ITGA10: variants seen among roughly 807,000 people sequenced by gnomAD.
ITGA10 encodes integrin alpha-10.
ITGA10 carries 105 observed loss-of-function variants against 145.2 expected under a neutral mutation model. The observed-to-expected ratio is 0.72, with a 90% confidence interval of 0.62 to 0.85. The LOEUF (loss-of-function observed/expected upper bound fraction) is 0.85, where lower values mean the gene tolerates loss of function less well. ITGA10 is among the 40% of genes least tolerant of loss of function. The pLI is 0.00. For synonymous variants in ITGA10, 506 were observed against 557.8 expected, an observed-to-expected ratio of 0.91 and a Z score of 1.31; for missense variants, 1,317 against 1,444.5, an observed-to-expected ratio of 0.91 and a Z score of 1.43.
chr1:145,904,228 T>C (rs1553750304), intron 6 of ITGA10, 28 bp from the exon 7 acceptor site: 1 of 1,610,678 alleles, frequency 6.2e-7, no homozygotes, highest in Admixed American at 1.7e-5. Flanking sequence ...TCAAATGAAA[T>C]GTATGTATGT....
chr1:145,908,237 CTCTA>C (rs1374746086), intron 1 of ITGA10, among the ~76,000 whole-genome samples: 2 of 152,144 alleles, frequency 1.3e-5, no homozygotes, highest in Non-Finnish European at 2.9e-5. Flanking sequence ...CTCTCTCCTT[CTCTA>C]TCTCTTCCTG....
chr1:145,899,613 A>G (rs1655948690), intron 15 of ITGA10, among the ~76,000 whole-genome samples: 1 of 151,268 alleles, frequency 6.6e-6, no homozygotes. Flanking sequence ...GGTTCAAGTG[A>G]TTCTCCTGCC....
intron 1 of ITGA10, among the ~76,000 whole-genome samples, chr1:145,909,137 T>TAA (rs112626164): frequency 7.0e-6 from 1 of 142,406 alleles, no homozygotes; most frequent in Admixed American, 7.1e-5. Context: ...ACTCTGTCTC[T>TAA]AAAAAAAAAA....
At chr1:145,897,396 C>T (rs1233077603) in intron 20 of ITGA10, 57 bp from the exon 21 acceptor site, 1 of 1,592,716 alleles carries the variant, frequency 6.3e-7, no homozygotes, top group Non-Finnish European at 8.6e-7. Context: ...TGCTGTCCTA[C>T]CCACAGCCTC....
At chr1:145,893,304 T>A in intron 28 of ITGA10, 30 bp from the exon 29 acceptor site, 1 of 1,497,514 alleles carries the variant, frequency 6.7e-7, no homozygotes, top group Non-Finnish European at 9.3e-7. Context: ...GTTTTCTACA[T>A]GCATCCTATA....
In ITGA10 at chr1:145,901,276, A is replaced by G. The variant is rs1419802802; in HGVS notation, c.1446T>C (p.Ile482=). The change falls in exon 13 of 30, where the codon ATT becomes ATC. Residue 482 remains isoleucine (I), a splice_region_variant and synonymous_variant. Coordinates refer to ENST00000369304, the MANE Select transcript of ITGA10 (RefSeq NM_003637.5). This position sits in a 1 kb window ranked among gnomAD's most constrained non-coding sequence, Gnocchi z 4.3. ...AGAGCTCACTGCCAAAGTATGAACCAATCTGGGGAATGGTGGGTGATGATG... is the reference window on the plus strand; with the variant it reads ...AGAGCTCACTGCCAAAGTATGAACCGATCTGGGGAATGGTGGGTGATGATG... ...RVAQSLQGEQ[I]GSYFGSELCP... is the part of the protein sequence containing the mutation. The G allele has an allele frequency of 6.2e-7, 1 of 1,613,966 alleles. No homozygotes were observed. Among genetic ancestry groups the G allele is most frequent in the Non-Finnish European group, 8.5e-7 (1 of 1,179,986 alleles).
At position 145,897,868 on chromosome 1, in the gene ITGA10, A is replaced by G. The variant is rs1553745866; in HGVS notation, c.2379T>C (p.Asn793=). The change falls in exon 19 of 30, where the codon AAT becomes AAC. Residue 793 remains asparagine (N), a synonymous_variant. Coordinates refer to ENST00000369304, the MANE Select transcript of ITGA10 (RefSeq NM_003637.5). ...VPFSKDCGPD[N]ECVTDLVLQV... is the part of the protein sequence containing the mutation. ...GAAGCACCAGGTCTGTGACACATTCATTGTCAGGGCCACAATCCTTTGAGA... is the reference window on the plus strand; with the variant it reads ...GAAGCACCAGGTCTGTGACACATTCGTTGTCAGGGCCACAATCCTTTGAGA... 3.7e-6 allele frequency: 6 copies of G among 1,614,104 alleles called. No homozygotes were observed. In the South Asian group the frequency reaches 6.6e-5, roughly 18 times the overall value.
chr1:145,902,168 G>A, intron 10 of ITGA10, 78 bp downstream of exon 10: 2 of 1,567,654 alleles, frequency 1.3e-6, no homozygotes, highest in South Asian at 2.2e-5. Context: ...GGTTAAAGGA[G>A]GAATCTGGAG....
intron 29 of ITGA10, 136 bp downstream of exon 29, chr1:145,893,025 A>G: frequency 1.1e-6 from 1 of 886,614 alleles, no homozygotes. Context: ...TTTGTGGGGT[A>G]CAGTGAAGGA....
rs148611231 is a variant in ITGA10 at position 145,896,096 on chromosome 1, C to T, written c.2920G>A (p.Val974Ile). 6.0e-4 allele frequency: 963 copies of T among 1,613,672 alleles called. 1 individual carries two copies. Among genetic ancestry groups the T allele is most frequent in the Admixed American group, 1.4e-3 (84 of 60,016 alleles). The change falls in exon 25 of 30, where the codon GTT becomes ATT. Residue 974 changes from valine (V) to isoleucine (I), a missense_variant and splice_region_variant. By Grantham distance (29) the Val-to-Ile change is conservative. Coordinates refer to ENST00000369304, the MANE Select transcript of ITGA10 (RefSeq NM_003637.5). ...PGPEFKTTLR[V>I]QNLGCYVVSG... Reference sequence around the variant, plus strand: ...ACCACATAGCAGCCTAGGTTCTGAACCTAAGAGGAAGGTTGGGAATAGGAA... The same window carrying T: ...ACCACATAGCAGCCTAGGTTCTGAATCTAAGAGGAAGGTTGGGAATAGGAA...
rs781939327 is a variant in ITGA10, at chr1:145,897,622, G to C, written c.2464C>G (p.Arg822Gly). Residue 822 changes from arginine to glycine, a missense_variant, in exon 20 of 30, where the codon CGG becomes GGG. Arg to Gly is a moderately radical substitution (Grantham distance 125). Coordinates refer to ENST00000369304, the MANE Select transcript of ITGA10 (RefSeq NM_003637.5). Reference protein sequence around the residue: ...KAPFVVRGGRRKVLVSTTLEN... With the variant: ...KAPFVVRGGRGKVLVSTTLEN... ...AGAGTTGTAGATACCAGCACTTTCC[G>C]CCGGCCACCTCGAACCACAAATGGG... 6.2e-7 allele frequency: 1 copy of C among 1,613,932 alleles called. No homozygotes were observed. Among genetic ancestry groups the C allele is most frequent in the Non-Finnish European group, 8.5e-7 (1 of 1,180,004 alleles).
intron 15 of ITGA10, 61 bp from the exon 16 acceptor site, chr1:145,899,402 G>T: frequency 6.4e-7 from 1 of 1,557,798 alleles, no homozygotes; most frequent in South Asian, 1.2e-5. Context: ...AGAAGTGCAA[G>T]CCCAGTGTTT....
chr1:145,902,824 C>G lies in ITGA10; in HGVS notation c.896G>C (p.Arg299Pro). ...GTGAATTCTCACTGCAATCCCATAG[C>G]GTGTCACTCTTCCAGCCTCACAGGC... Reference protein sequence around the residue: ...LKACEAGRVTRYGIAVLGHYL... With the variant: ...LKACEAGRVTPYGIAVLGHYL... The change falls in exon 8 of 30, where the codon CGC becomes CCC. Residue 299 changes from arginine to proline, a missense_variant. Coordinates refer to ENST00000369304, the MANE Select transcript of ITGA10 (RefSeq NM_003637.5). 1 of 1,610,368 alleles carries G rather than the reference C, an allele frequency of 6.2e-7. No individual in the cohort carries two copies. The highest frequency in any genetic ancestry group is 8.5e-7 in the Non-Finnish European group (1 of 1,178,148).
At chr1:145,909,518 GTA>G (rs1657591999) in intron 1 of ITGA10, among the ~76,000 whole-genome samples, 3 of 125,998 alleles carry the variant, frequency 2.4e-5, no homozygotes, top group Non-Finnish European at 4.8e-5. Context: ...TATATTATAT[GTA>G]TATTATATAT....
In ITGA10 at chr1:145,907,137, C is replaced by A; in HGVS notation, c.178G>T (p.Ala60Ser). 1 of 1,560,096 alleles carries A rather than the reference C, an allele frequency of 6.4e-7. No individual in the cohort carries two copies. The highest frequency in any genetic ancestry group is 8.7e-7 in the Non-Finnish European group (1 of 1,151,418). The change falls in exon 3 of 30, where the codon GCC (alanine) becomes TCC (serine). Residue 60 changes from alanine (A) to serine (S), a missense_variant. Transcript: ENST00000369304. ...TCGCCTGAAGGCCCATCCCAGGGGG[C>A]GCCCACCAGCATCCTGGGAAGAGGA... ...GGGQRWMLVG[A>S]PWDGPSGDRR...
Position 145,893,278 on chromosome 1 carries a change from C to T in ITGA10, c.3325-4G>A, listed in dbSNP as rs782204616. 19 of 1,602,278 alleles carry T rather than the reference C, an allele frequency of 1.2e-5. No homozygotes were observed. Among genetic ancestry groups the T allele is most frequent in the African/African-American group, 4.0e-5 (3 of 74,642 alleles). ...TCTGAACCACCTCCAAGAGGCTCTG[C>T]GTGGACAGAAGAGTAGTTTTCTACA... On this transcript the variant is annotated splice_region_variant and splice_polypyrimidine_tract_variant and intron_variant, in intron 28 of 29. Coordinates refer to ENST00000369304, the MANE Select transcript of ITGA10 (RefSeq NM_003637.5).
intron 10 of ITGA10, 23 bp from the exon 11 acceptor site, chr1:145,902,044 G>A (rs781914710): frequency 6.2e-7 from 1 of 1,613,242 alleles, no homozygotes; most frequent in Non-Finnish European, 8.5e-7. Flanking sequence ...AGCAGATGGG[G>A]TCACTGAGAA....
intron 1 of ITGA10, among the ~76,000 whole-genome samples, chr1:145,907,943 CTTA>C (rs1355564109): frequency 1.3e-5 from 2 of 151,472 alleles, no homozygotes; most frequent in South Asian, 2.1e-4. Flanking sequence ...GCTAATTTTT[CTTA>C]TTTTTAGTAG....
intron 5 of ITGA10, 75 bp downstream of exon 5, chr1:145,906,319 T>G: frequency 9.0e-7 from 1 of 1,113,744 alleles, no homozygotes; most frequent in South Asian, 1.3e-5. Context: ...CCAGGCATCA[T>G]ACCGCTTTGC....
Sources: allele counts gnomAD v4.1 joint callset (sites outside exome capture counted in the v4.1 genomes callset), GRCh38; gene constraint gnomAD v4.1.1; non-coding constraint Gnocchi (gnomAD v3.1); transcripts MANE v1.5; gene names NCBI Gene and HGNC (gene_info 2026-07-23, HGNC 2026-07-21).